TRPC6: variants seen among roughly 807,000 people sequenced by gnomAD.
TRPC6 encodes the protein transient receptor potential cation channel subfamily C member 6.
Under a neutral mutation model 90.7 loss-of-function variants are expected in TRPC6, and 55 were observed. The ratio of observed to expected loss-of-function variants is 0.61; its 90% CI spans 0.49 to 0.76. The LOEUF is 0.76. TRPC6 is among the 30% of genes least tolerant of loss of function. The pLI is 0.00. For synonymous variants in TRPC6, 393 were observed against 393.0 expected, an observed-to-expected ratio of 1.00 and a Z score of 0.00; for missense variants, 989 against 1,122.7, an observed-to-expected ratio of 0.88 and a Z score of 1.70.
intron 1 of TRPC6, among the ~76,000 whole-genome samples, chr11:101,561,972 A>G (rs1184217768): frequency 2.0e-5 from 3 of 152,066 alleles, no homozygotes; most frequent in Non-Finnish European, 1.5e-5. Flanking sequence ...AGTTCTGATT[A>G]CTAACAAATT....
intron 1 of TRPC6, among the ~76,000 whole-genome samples, chr11:101,531,045 C>T (rs1363538220): frequency 3.3e-5 from 5 of 152,124 alleles, no homozygotes; most frequent in Admixed American, 3.3e-4. Context: ...GTATTGTTGA[C>T]TTGAACTTTG....
chr11:101,454,949 G>T, intron 11 of TRPC6, 69 bp downstream of exon 11: 1 of 1,216,050 alleles, frequency 8.2e-7, no homozygotes, highest in Non-Finnish European at 1.2e-6. Context: ...ATACTTTAAA[G>T]AATCACATAG....
chr11:101,464,820 T>C (rs372124488), intron 10 of TRPC6, among the ~76,000 whole-genome samples: 1 of 152,172 alleles, frequency 6.6e-6, no homozygotes, highest in East Asian at 1.9e-4. Flanking sequence ...ATACGTGAAT[T>C]TGATCCTGTC....
rs1591070679 is a variant in TRPC6 at position 101,476,635 on chromosome 11, A to T, written c.1511-101T>A. 3 of 1,120,306 alleles carry T rather than the reference A, an allele frequency of 2.7e-6. No homozygotes were observed. The East Asian group carries it at 7.5e-5, about 28-fold the overall frequency. 69.4% of individuals were successfully genotyped at this position (1,120,306 alleles called of 1,614,324 possible). A position where few individuals can be genotyped will look rare whatever the true frequency, so the allele number is the denominator to read the frequency against. On this transcript the variant is annotated intron_variant, in intron 5 of 12. Coordinates refer to ENST00000344327, the MANE Select transcript of TRPC6 (RefSeq NM_004621.6). ...AAAGGTCTCAGCCTGACATTACAAA[A>T]CCCTTCAAAATTTGGTCCCAACCTG...
intron 10 of TRPC6, among the ~76,000 whole-genome samples, chr11:101,464,987 G>C (rs139006769): frequency 0.02 from 3,066 of 152,212 alleles, 62 homozygotes; most frequent in Non-Finnish European, 0.024. Flanking sequence ...GGCAGGCCTG[G>C]TGGTGACAAA....
intron 2 of TRPC6, 95 bp from the exon 3 acceptor site, chr11:101,491,833 A>ATTTT (rs200869151): frequency 0.017 from 13,180 of 773,442 alleles, 394 homozygotes; most frequent in African/African-American, 0.054. Context: ...TAAGAGAAAC[A>ATTTT]TTCTTTTTTT....
At chr11:101,505,259 C>T (rs558106846) in intron 1 of TRPC6, among the ~76,000 whole-genome samples, 3 of 152,280 alleles carry the variant, frequency 2.0e-5, no homozygotes, top group Admixed American at 6.5e-5. Context: ...GAACTATATT[C>T]GGTCCAAGAA....
chr11:101,504,897 G>A (rs1860222069), intron 1 of TRPC6, 99 bp from the exon 2 acceptor site: 1 of 1,379,578 alleles, frequency 7.2e-7, no homozygotes, highest in Non-Finnish European at 9.9e-7. Context: ...AAGTATATTA[G>A]ATGTTGTCTC....
At chr11:101,524,183 C>A (rs1373065698) in intron 1 of TRPC6, among the ~76,000 whole-genome samples, 2 of 152,320 alleles carry the variant, frequency 1.3e-5, no homozygotes, top group East Asian at 3.9e-4. Context: ...ATAGGTTGAT[C>A]AAGGTCCCTT....
chr11:101,511,539 G>A (rs1309746786), intron 1 of TRPC6, among the ~76,000 whole-genome samples: 2 of 152,030 alleles, frequency 1.3e-5, no homozygotes, highest in African/African-American at 2.4e-5. Context: ...AAAATATAAA[G>A]GTTGAGCCAC....
At chr11:101,489,657 C>T (rs1379665870) in intron 3 of TRPC6, among the ~76,000 whole-genome samples, 2 of 151,130 alleles carry the variant, frequency 1.3e-5, no homozygotes, top group Non-Finnish European at 2.9e-5. Context: ...TTGAGGGAAT[C>T]TTTAAGTTTT....
At chr11:101,559,990 C>A (rs1313196270) in intron 1 of TRPC6, among the ~76,000 whole-genome samples, 1 of 151,964 alleles carries the variant, frequency 6.6e-6, no homozygotes, top group Non-Finnish European at 1.5e-5. Flanking sequence ...CAACAGCTGA[C>A]CATCTTGTGA....
intron 10 of TRPC6, among the ~76,000 whole-genome samples, chr11:101,457,156 T>C (rs944215974): frequency 1.3e-5 from 2 of 152,154 alleles, no homozygotes; most frequent in Non-Finnish European, 2.9e-5. Context: ...GGTGCCAACA[T>C]GTATACTGTC....
intron 1 of TRPC6, 101 bp from the exon 2 acceptor site, chr11:101,504,899 T>A: frequency 7.4e-7 from 1 of 1,358,046 alleles, no homozygotes; most frequent in Non-Finnish European, 1.0e-6. Context: ...GTATATTAGA[T>A]GTTGTCTCAT....
chr11:101,500,082 C>A (rs11224797), intron 2 of TRPC6, among the ~76,000 whole-genome samples: 1 of 144,184 alleles, frequency 6.9e-6, no homozygotes, highest in Non-Finnish European at 1.5e-5. Context: ...TATATATACA[C>A]ACACACAATT....
At chr11:101,551,258 T>C (rs1861442722) in intron 1 of TRPC6, among the ~76,000 whole-genome samples, 1 of 151,990 alleles carries the variant, frequency 6.6e-6, no homozygotes, top group Non-Finnish European at 1.5e-5. Context: ...TTAAATGAAT[T>C]CAAAGGACTA....
intron 1 of TRPC6, among the ~76,000 whole-genome samples, chr11:101,531,663 TACTA>T (rs1860915392): frequency 6.6e-6 from 1 of 152,230 alleles, no homozygotes; most frequent in Non-Finnish European, 1.5e-5. Flanking sequence ...TTGTATTTAA[TACTA>T]TTTTACTGCC....
At chr11:101,565,338 A>G (rs1423197974) in intron 1 of TRPC6, among the ~76,000 whole-genome samples, 1 of 152,112 alleles carries the variant, frequency 6.6e-6, no homozygotes, top group Admixed American at 6.5e-5. Flanking sequence ...GTTAATAGCA[A>G]AATGTTCATC....
At chr11:101,464,887 C>T (rs187717614) in intron 10 of TRPC6, among the ~76,000 whole-genome samples, 80 of 152,246 alleles carry the variant, frequency 5.3e-4, no homozygotes, top group African/African-American at 1.3e-3. Flanking sequence ...TTCATAGTGT[C>T]GATGGTCTTT....
Sources: allele counts gnomAD v4.1 joint callset (sites outside exome capture counted in the v4.1 genomes callset), GRCh38; gene constraint gnomAD v4.1.1; transcripts MANE v1.5; gene names NCBI Gene and HGNC (gene_info 2026-07-23, HGNC 2026-07-21).